Variants in LRMDA observed in about 807,000 individuals in gnomAD.
LRMDA encodes leucine rich melanocyte differentiation associated.
In LRMDA, 18 loss-of-function variants were observed where a neutral mutation model predicts 29.8. The ratio of observed to expected loss-of-function variants is 0.60; its 90% CI spans 0.42 to 0.90. The LOEUF is 0.90. Among genes scored for constraint, LRMDA ranks in the 40% least tolerant of loss-of-function variants. The probability of loss-of-function intolerance (pLI) is 0.00; values close to 1 mark genes in which losing one functional copy is unlikely to be tolerated. For synonymous variants in LRMDA, 125 were observed against 109.4 expected (o/e 1.14, Z -0.89); for missense variants, 273 against 273.9 (o/e 1.00, Z 0.02).
intron 2 of LRMDA, among the ~76,000 whole-genome samples, chr10:75,747,267 A>C (rs1479412918): frequency 6.6e-6 from 1 of 152,222 alleles, no homozygotes; most frequent in East Asian, 1.9e-4. Context: ...GTTAAGATAA[A>C]AATGACAGTT....
At chr10:75,890,496 T>C (rs61862121) in intron 2 of LRMDA, among the ~76,000 whole-genome samples, 1 of 149,316 alleles carries the variant, frequency 6.7e-6, no homozygotes, top group East Asian at 1.9e-4. Context: ...TTGCTGGTGA[T>C]ATATGAAGCC....
At chr10:76,010,948 A>G (rs546018672) in intron 2 of LRMDA, among the ~76,000 whole-genome samples, 1 of 152,236 alleles carries the variant, frequency 6.6e-6, no homozygotes, top group Non-Finnish European at 1.5e-5. Flanking sequence ...AATTCTATTC[A>G]TTGAAAACAG....
At chr10:75,608,579 T>C (rs10762672) in intron 2 of LRMDA, among the ~76,000 whole-genome samples, 98,821 of 151,942 alleles carry the variant, frequency 0.65, 32,342 homozygotes, top group African/African-American at 0.69. Flanking sequence ...ACATGTATAT[T>C]AAAGCATCAT....
chr10:75,950,690 C>T (rs1176287862), intron 2 of LRMDA, among the ~76,000 whole-genome samples: 1 of 152,172 alleles, frequency 6.6e-6, no homozygotes, highest in Non-Finnish European at 1.5e-5. Flanking sequence ...TTGTGCACAC[C>T]TACTAGCTGG....
At chr10:75,508,589 T>C (rs1317781490) in intron 2 of LRMDA, among the ~76,000 whole-genome samples, 2 of 152,196 alleles carry the variant, frequency 1.3e-5, no homozygotes, top group Admixed American at 1.3e-4. Flanking sequence ...ATAAAGCCAA[T>C]AAACTGTCAA....
intron 5 of LRMDA, among the ~76,000 whole-genome samples, chr10:76,260,476 T>A (rs991161566): frequency 6.6e-6 from 1 of 151,548 alleles, no homozygotes; most frequent in Non-Finnish European, 1.5e-5. Flanking sequence ...TTGGCTGACA[T>A]TTTTTTTTCT....
rs142307993 is a variant in LRMDA at position 75,964,836 on chromosome 10, C to T, written c.132-71172C>T. ...AGGCCGGAATGCAGTGGTACAATCT[C>T]GGCTCACTGCAACCTCCAACTCTCA... On this transcript the variant is annotated intron_variant, in intron 2 of 6. Coordinates refer to ENST00000611255, the MANE Select transcript of LRMDA (RefSeq NM_001305581.2). Among the ~76,000 whole-genome samples the T allele has an allele frequency of 5.6e-3, 846 of 152,286 alleles. 36 individuals carry two copies. The East Asian group carries it at 0.12, about 22-fold the overall frequency.
intron 5 of LRMDA, among the ~76,000 whole-genome samples, chr10:76,254,305 C>CTATACTATACTATACT (rs1564701441): frequency 1.6e-4 from 11 of 66,934 alleles, no homozygotes; most frequent in African/African-American, 5.3e-4. Context: ...TATACTATAC[C>CTATACTATACTATACT]ATACCATACC....
At chr10:75,646,591 C>G (rs1841524745) in intron 2 of LRMDA, among the ~76,000 whole-genome samples, 1 of 152,144 alleles carries the variant, frequency 6.6e-6, no homozygotes, top group African/African-American at 2.4e-5. Flanking sequence ...AATTTGCCAC[C>G]TTGTTAAGTT....
chr10:76,106,011 T>C (rs762828878), intron 5 of LRMDA, among the ~76,000 whole-genome samples: 2 of 152,184 alleles, frequency 1.3e-5, no homozygotes, highest in African/African-American at 2.4e-5. Flanking sequence ...CCTCCCAAAG[T>C]GCTGGGATTA....
intron 2 of LRMDA, among the ~76,000 whole-genome samples, chr10:75,702,302 T>G (rs1198567951): frequency 6.6e-6 from 1 of 152,194 alleles, no homozygotes; most frequent in Non-Finnish European, 1.5e-5. Flanking sequence ...TGATAAGTGC[T>G]CAGTCAATAT....
At chr10:75,636,801 C>T (rs1308902135) in intron 2 of LRMDA, among the ~76,000 whole-genome samples, 4 of 151,786 alleles carry the variant, frequency 2.6e-5, no homozygotes, top group African/African-American at 7.3e-5. Context: ...CACCTGGGGC[C>T]GGGAGATCTC....
chr10:76,499,202 T>C (rs1842895394), intron 6 of LRMDA, among the ~76,000 whole-genome samples: 1 of 75,160 alleles, frequency 1.3e-5, no homozygotes, highest in Admixed American at 1.2e-4. Context: ...TCTTAGAACA[T>C]TTTTGTCACC....
chr10:76,490,956 G>T (rs1458194568), intron 6 of LRMDA, among the ~76,000 whole-genome samples: 1 of 151,568 alleles, frequency 6.6e-6, no homozygotes, highest in South Asian at 2.1e-4. Flanking sequence ...TTTATTTGAG[G>T]TTACAAATAA....
At chr10:76,440,475 C>A (rs1050140745) in intron 6 of LRMDA, among the ~76,000 whole-genome samples, 1 of 152,130 alleles carries the variant, frequency 6.6e-6, no homozygotes, top group African/African-American at 2.4e-5. Context: ...TTTAGTTTCG[C>A]TGAGTTCAGT....
chr10:76,356,405 A>G (rs560229462), intron 6 of LRMDA, among the ~76,000 whole-genome samples: 1 of 152,236 alleles, frequency 6.6e-6, no homozygotes, highest in South Asian at 2.1e-4. Flanking sequence ...GCATACAACA[A>G]TGAGACCCCT....
chr10:76,258,691 A>G (rs1308064151), intron 5 of LRMDA, among the ~76,000 whole-genome samples: 5 of 152,124 alleles, frequency 3.3e-5, no homozygotes, highest in Admixed American at 2.0e-4. Flanking sequence ...AGCTTCCACA[A>G]TATGAGTGAG....
At chr10:76,311,427 T>C (rs1840628492) in intron 5 of LRMDA, among the ~76,000 whole-genome samples, 1 of 152,238 alleles carries the variant, frequency 6.6e-6, no homozygotes, top group African/African-American at 2.4e-5. Context: ...TTCACATTTA[T>C]GACTTTCTAT....
At chr10:75,782,792 G>T (rs192532414) in intron 2 of LRMDA, 3 of 1,416,830 alleles carry the variant, frequency 2.1e-6, no homozygotes, top group Admixed American at 2.8e-5. Context: ...TGAAAGACCC[G>T]CAACTTTCAC....
Sources: allele counts gnomAD v4.1 joint callset (sites outside exome capture counted in the v4.1 genomes callset), GRCh38; gene constraint gnomAD v4.1.1; transcripts MANE v1.5; gene names NCBI Gene and HGNC (gene_info 2026-07-23, HGNC 2026-07-21).